The following XRCC5 variants were observed in gnomAD, a reference collection of about 807,000 sequenced individuals.
XRCC5 encodes X-ray repair cross complementing 5, also known as DNA repair protein Ku80.
XRCC5 carries 12 observed loss-of-function variants against 95.7 expected under a neutral mutation model. The observed-to-expected ratio is 0.13, with a 90% confidence interval of 0.08 to 0.20. The LOEUF (loss-of-function observed/expected upper bound fraction) is 0.20. Among genes scored for constraint, XRCC5 ranks in the 10% least tolerant of loss-of-function variants. The probability of loss-of-function intolerance (pLI) is 1.00; values close to 1 mark genes in which losing one functional copy is unlikely to be tolerated. For synonymous variants in XRCC5, 281 were observed against 290.3 expected (o/e 0.97, Z 0.33); for missense variants, 595 against 873.9 (o/e 0.68, Z 4.02).
At chr2:216,139,076 A>G (rs1479817112) in intron 12 of XRCC5, among the ~76,000 whole-genome samples, 1 of 152,188 alleles carries the variant, frequency 6.6e-6, no homozygotes, top group Non-Finnish European at 1.5e-5. Flanking sequence ...ATTATATGGA[A>G]GTTGCCACTG....
chr2:216,114,416 C>G (rs564417642), intron 2 of XRCC5, among the ~76,000 whole-genome samples: 1 of 151,764 alleles, frequency 6.6e-6, no homozygotes, highest in Non-Finnish European at 1.5e-5. Context: ...GTGCTCTAAC[C>G]CTGTTCTTGG....
intron 1 of XRCC5, 80 bp downstream of exon 1, chr2:216,109,537 TC>T (rs1696546161): frequency 6.3e-7 from 1 of 1,590,074 alleles, no homozygotes; most frequent in African/African-American, 1.3e-5. Context: ...AATCGTGGGA[TC>T]GCGGTCAAGA....
intron 16 of XRCC5, among the ~76,000 whole-genome samples, chr2:216,186,391 A>G (rs1296860843): frequency 1.3e-5 from 2 of 152,338 alleles, no homozygotes; most frequent in East Asian, 1.9e-4. Flanking sequence ...TAAACAAGAA[A>G]ACTTCGCCAT....
rs561026048 is a variant in XRCC5 at position 216,200,456 on chromosome 2, A to G, written c.2110-3866A>G. On this transcript the variant is annotated intron_variant, in intron 19 of 20. Transcript: ENST00000392132. ...AGTTTGCTAGTACAAGAAAAGTAAT[A>G]ATGAAAATATCACAGTGTTACCCAA... 1.2e-4 allele frequency among the ~76,000 whole-genome samples: 18 copies of G among 152,308 alleles called. 1 individual carries two copies. The highest frequency in any genetic ancestry group is 4.1e-4 in the African/African-American group (17 of 41,556).
At chr2:216,185,116 T>G (rs1207019023) in intron 16 of XRCC5, among the ~76,000 whole-genome samples, 1 of 152,214 alleles carries the variant, frequency 6.6e-6, no homozygotes, top group Non-Finnish European at 1.5e-5. Flanking sequence ...GAACTCTATT[T>G]ATACCCTTTT....
At chr2:216,168,184 A>G (rs556384872) in intron 16 of XRCC5, among the ~76,000 whole-genome samples, 241 of 152,308 alleles carry the variant, frequency 1.6e-3, no homozygotes, top group African/African-American at 5.2e-3. Context: ...TTCATCTTTC[A>G]TGTGGGCGGA....
At chr2:216,203,206 T>A (rs1689874036) in intron 19 of XRCC5, among the ~76,000 whole-genome samples, 1 of 152,196 alleles carries the variant, frequency 6.6e-6, no homozygotes, top group South Asian at 2.1e-4. Context: ...CCATGCACTC[T>A]CAGCCTGAAG....
intron 1 of XRCC5, among the ~76,000 whole-genome samples, chr2:216,110,254 T>C (rs1450868405): frequency 1.3e-5 from 2 of 152,206 alleles, no homozygotes; most frequent in Non-Finnish European, 2.9e-5. Context: ...GTGATTTTTT[T>C]TTTTCAACAT....
chr2:216,149,998 T>C (rs1041814168), intron 14 of XRCC5, among the ~76,000 whole-genome samples: 1 of 152,154 alleles, frequency 6.6e-6, no homozygotes, highest in Non-Finnish European at 1.5e-5. Flanking sequence ...ATTTAGCAAA[T>C]ATTGAGTACC....
In XRCC5 at chr2:216,138,148, C is replaced by G. The variant is rs1697118190; in HGVS notation, c.1311C>G (p.Ser437=). The G allele has an allele frequency of 6.2e-7, 1 of 1,613,228 alleles. No homozygotes were observed. Among genetic ancestry groups the G allele is most frequent in the Non-Finnish European group, 8.5e-7 (1 of 1,179,890 alleles). ...MEDLRQYMFS[S]LKNSKKYAPT... is the part of the protein sequence containing the mutation. ...ACTTGCGGCAATACATGTTTTCATCCTTGAAAAACAGTAAGAAATATGCTC... is the reference window on the plus strand; with the variant it reads ...ACTTGCGGCAATACATGTTTTCATCGTTGAAAAACAGTAAGAAATATGCTC... The change falls in exon 12 of 21, where the codon TCC becomes TCG. Residue 437 remains serine, a synonymous_variant. Transcript: ENST00000392132.
At chr2:216,167,293 C>CT (rs1193054230) in intron 16 of XRCC5, among the ~76,000 whole-genome samples, 2 of 152,102 alleles carry the variant, frequency 1.3e-5, no homozygotes, top group Non-Finnish European at 2.9e-5. Flanking sequence ...ATCTCACTTA[C>CT]TAGAAACATC....
intron 16 of XRCC5, among the ~76,000 whole-genome samples, chr2:216,180,622 G>T (rs551036018): frequency 6.6e-6 from 1 of 152,016 alleles, no homozygotes; most frequent in South Asian, 2.1e-4. Context: ...GCAAGACTCT[G>T]TCTTAAAAAG....
intron 16 of XRCC5, among the ~76,000 whole-genome samples, chr2:216,180,490 A>T (rs1188237122): frequency 6.6e-6 from 1 of 152,156 alleles, no homozygotes; most frequent in African/African-American, 2.4e-5. Context: ...GTCGTGCATG[A>T]TGGCTTGGGC....
intron 16 of XRCC5, among the ~76,000 whole-genome samples, chr2:216,181,726 C>A (rs767093784): frequency 7.3e-4 from 111 of 152,180 alleles, no homozygotes; most frequent in African/African-American, 2.7e-3. Context: ...GTTTTCATTG[C>A]GACTTTAATA....
chr2:216,139,327 T>C (rs1697137953), intron 12 of XRCC5, among the ~76,000 whole-genome samples: 1 of 151,704 alleles, frequency 6.6e-6, no homozygotes, highest in Admixed American at 6.6e-5. Context: ...CAGTTCCACA[T>C]GGCTGGGGAA....
In XRCC5 at chr2:216,190,426, C is replaced by T. The variant is rs1002877970; in HGVS notation, c.1944+92C>T. The T allele has an allele frequency of 1.5e-5, 17 of 1,126,568 alleles. 1 individual carries two copies. Among genetic ancestry groups the T allele is most frequent in the Middle Eastern group, 2.0e-4 (1 of 5,000 alleles). The allele number at this position is 1,126,568 out of a possible 1,614,324, so 69.8% of individuals were successfully genotyped here. A position where few individuals can be genotyped will look rare whatever the true frequency, so the allele number is the denominator to read the frequency against. ...CAGCATCCTGGAAATGAGTCTGGGC[C>T]GTGGAAATTATCATTCTCAATATGA... On this transcript the variant is annotated intron_variant, in intron 17 of 20. Transcript: ENST00000392132.
Position 216,206,239 on chromosome 2 carries a change from TAC to T in XRCC5, c.*1041_*1042del, listed in dbSNP as rs1689941497. ...CAGCACCCTCATAAGTCGTCACTAATACACAGTTTTGTACATGTAACATTAAA... is the reference window on the plus strand; with the variant it reads ...CAGCACCCTCATAAGTCGTCACTAATACAGTTTTGTACATGTAACATTAAA... On this transcript the variant is annotated 3_prime_UTR_variant, in exon 21 of 21. Transcript: ENST00000392132. The T allele has an allele frequency of 6.6e-6, 1 of 152,246 alleles. No individual in the cohort carries two copies. The highest frequency in any genetic ancestry group is 2.4e-5 in the African/African-American group (1 of 41,460). 9.4% of individuals were successfully genotyped at this position (152,246 alleles called of 1,614,324 possible).
intron 6 of XRCC5, among the ~76,000 whole-genome samples, chr2:216,124,391 C>T (rs1393772301): frequency 6.6e-6 from 1 of 152,182 alleles, no homozygotes; most frequent in East Asian, 1.9e-4. Flanking sequence ...GGATTACAGG[C>T]ATGCGACACC....
chr2:216,131,248 G>A (rs780226063), intron 9 of XRCC5: 1 of 985,136 alleles, frequency 1.0e-6, no homozygotes, highest in Non-Finnish European at 1.2e-6. Context: ...GGAGATGAGG[G>A]GTATTTGAAT....
Sources: gnomAD v4.1 joint callset for allele counts (sites outside exome capture counted in the v4.1 genomes callset) on GRCh38, gnomAD v4.1.1 for gene constraint, MANE v1.5 for transcripts, NCBI Gene and HGNC (gene_info 2026-07-23, HGNC 2026-07-21) for gene names.